RTN4R: variants seen among roughly 807,000 people sequenced by gnomAD.
The protein encoded by RTN4R is reticulon 4 receptor.
RTN4R carries 4 observed loss-of-function variants against 27.7 expected under a neutral mutation model. The ratio of observed to expected loss-of-function variants is 0.14; its 90% CI spans 0.07 to 0.33. The LOEUF is 0.33. RTN4R is among the 10% of genes least tolerant of loss of function. RTN4R has a pLI of 1.00. For missense variants in RTN4R, 554 were observed against 671.5 expected (o/e 0.83, Z 1.93); for synonymous variants, 290 against 305.6 (o/e 0.95, Z 0.53).
At chr22:20,258,989 G>T (rs1054375509) in intron 1 of RTN4R, among the ~76,000 whole-genome samples, 9 of 152,072 alleles carry the variant, frequency 5.9e-5, no homozygotes, top group Non-Finnish European at 1.3e-4. Context: ...GGGGTCAAGT[G>T]TGCACCGTCT....
In RTN4R at chr22:20,244,412, C is replaced by G. The variant is rs545167321; in HGVS notation, c.23-1302G>C. On this transcript the variant is annotated intron_variant, in intron 1 of 1. Transcript: ENST00000043402. ...AACGCAGAGCCCAGCAAGCCCAGCA[C>G]GCGCAGTGACCGCTGGGCATGTGCG... Among the ~76,000 whole-genome samples the G allele has an allele frequency of 2.0e-5, 3 of 152,224 alleles. No individual in the cohort carries two copies. The South Asian group carries it at 6.2e-4, about 32-fold the overall frequency.
intron 1 of RTN4R, among the ~76,000 whole-genome samples, chr22:20,247,741 T>C (rs142779430): frequency 1.6e-4 from 24 of 152,134 alleles, no homozygotes; most frequent in Middle Eastern, 3.4e-3. Context: ...CTTGTTGATC[T>C]TGGCTGCAGG....
chr22:20,242,877 G>T lies in RTN4R; in HGVS notation c.256C>A (p.Leu86Met). Residue 86 changes from leucine to methionine, a missense_variant, in exon 2 of 2, where the codon CTG becomes ATG. This residue lies in a region of RTN4R where 413 missense variants were observed against 542.3 expected (regional missense o/e 0.76). Transcript: ENST00000043402. Reference protein sequence around the residue: ...SFRACRNLTILWLHSNVLARI... With the variant: ...SFRACRNLTIMWLHSNVLARI... ...GCCAGCACATTCGAGTGCAGCCACAGGATGGTGAGGTTGCGGCAGGCACGG... is the reference window on the plus strand; with the variant it reads ...GCCAGCACATTCGAGTGCAGCCACATGATGGTGAGGTTGCGGCAGGCACGG... The T allele has an allele frequency of 6.2e-7, 1 of 1,613,134 alleles. No homozygotes were observed. The highest frequency in any genetic ancestry group is 8.5e-7 in the Non-Finnish European group (1 of 1,179,866).
intron 1 of RTN4R, among the ~76,000 whole-genome samples, chr22:20,251,988 C>CTAT: frequency 4.7e-4 from 4 of 8,440 alleles, no homozygotes; most frequent in African/African-American, 7.9e-4. Flanking sequence ...ATCACCATCA[C>CTAT]CATCATCACC....
At chr22:20,249,815 G>A (rs1483075569) in intron 1 of RTN4R, among the ~76,000 whole-genome samples, 2 of 152,234 alleles carry the variant, frequency 1.3e-5, no homozygotes, top group African/African-American at 4.8e-5. Flanking sequence ...AGCGGCCTCT[G>A]TCCGAGCAGA....
At chr22:20,243,579 A>ACGGG (rs774054026) in intron 1 of RTN4R, 3 of 430,440 alleles carry the variant, frequency 7.0e-6, no homozygotes, top group South Asian at 5.1e-5. Context: ...TATCTCAAAA[A>ACGGG]CGGGCGCCTG....
intron 1 of RTN4R, among the ~76,000 whole-genome samples, chr22:20,263,361 C>A (rs1202624026): frequency 6.6e-6 from 1 of 152,198 alleles, no homozygotes; most frequent in Non-Finnish European, 1.5e-5. Context: ...AAGGTGCTGC[C>A]CACCCCTCTC....
intron 1 of RTN4R, 37 bp from the exon 2 acceptor site, chr22:20,243,147 A>G: frequency 6.3e-7 from 1 of 1,589,320 alleles, no homozygotes. Context: ...CAGGAAGGGC[A>G]GGGGTACTGG....
intron 1 of RTN4R, among the ~76,000 whole-genome samples, chr22:20,266,371 T>A (rs986037757): frequency 6.6e-6 from 1 of 152,224 alleles, no homozygotes; most frequent in East Asian, 1.9e-4. Flanking sequence ...TTGCCCATCA[T>A]GCAGCATGGC....
chr22:20,252,485 G>A lies in RTN4R; in HGVS notation c.23-9375C>T, dbSNP rs1326024455. 2.0e-5 allele frequency among the ~76,000 whole-genome samples: 3 copies of A among 152,204 alleles called. No individual in the cohort carries two copies. In the East Asian group the frequency reaches 5.8e-4, roughly 29 times the overall value. The stretch of plus-strand genomic sequence containing the variant: ...TCCTCCCATTGTACGGTGAGGGGGT[G>A]ACTGCCAACCCACTCCTCAGATGAG... On this transcript the variant is annotated intron_variant, in intron 1 of 1. Transcript: ENST00000043402.
At chr22:20,265,567 C>A (rs1311535905) in intron 1 of RTN4R, among the ~76,000 whole-genome samples, 3 of 152,200 alleles carry the variant, frequency 2.0e-5, no homozygotes, top group African/African-American at 7.2e-5. Context: ...GTTCCACAGA[C>A]CCCCAGGTGA....
In RTN4R at chr22:20,261,063, C is replaced by T. The variant is rs149408186; in HGVS notation, c.22+7008G>A. Among the ~76,000 whole-genome samples the T allele has an allele frequency of 3.0e-4, 45 of 152,320 alleles. No homozygotes were observed. The East Asian group carries it at 4.1e-3, about 14-fold the overall frequency. On this transcript the variant is annotated intron_variant, in intron 1 of 1. Transcript: ENST00000043402. ...TCAGGATGTCCTACGAGGACCCTCA[C>T]GGCAGAAGGACCGATGGGGAGGAGT...
At chr22:20,250,107 G>GT (rs1424906817) in intron 1 of RTN4R, among the ~76,000 whole-genome samples, 2 of 152,354 alleles carry the variant, frequency 1.3e-5, no homozygotes, top group African/African-American at 4.8e-5. Flanking sequence ...AGGCAGGAGA[G>GT]GATCCTCCTC....
Position 20,263,896 on chromosome 22 carries a change from A to G in RTN4R, c.22+4175T>C, listed in dbSNP as rs370476584. Among the ~76,000 whole-genome samples, 3 of 152,352 alleles carry G rather than the reference A, an allele frequency of 2.0e-5. No individual in the cohort carries two copies. The East Asian group carries it at 5.8e-4, about 29-fold the overall frequency. On this transcript the variant is annotated intron_variant, in intron 1 of 1. Transcript: ENST00000043402. ...CAGAAGAGGCCCCGCAGGCCATAGC[A>G]GGCAAGACCAGAGGCTGTATGAAAG...
Position 20,241,936 on chromosome 22 carries a change from C to T in RTN4R, c.1197G>A (p.Arg399=), listed in dbSNP as rs1159159776. Residue 399 remains arginine, a synonymous_variant, in exon 2 of 2, where the codon CGG becomes CGA. Transcript: ENST00000043402. ...GSAEPPLTAV[R]PEGSEPPGFP... The stretch of plus-strand genomic sequence containing the variant: ...ACCCTGGTGGCTCGGAGCCCTCGGG[C>T]CGCACTGCAGTGAGCGGGGGCTCAG... 1 of 1,606,836 alleles carries T rather than the reference C, an allele frequency of 6.2e-7. No individual in the cohort carries two copies. The highest frequency in any genetic ancestry group is 8.5e-7 in the Non-Finnish European group (1 of 1,178,226).
chr22:20,260,633 C>T (rs1487998784), intron 1 of RTN4R, among the ~76,000 whole-genome samples: 3 of 152,202 alleles, frequency 2.0e-5, no homozygotes, highest in African/African-American at 7.2e-5. Context: ...AGGGGCCACG[C>T]CCGGGGGCAG....
At chr22:20,252,806 G>A (rs2051191930) in intron 1 of RTN4R, among the ~76,000 whole-genome samples, 1 of 152,116 alleles carries the variant, frequency 6.6e-6, no homozygotes, top group Non-Finnish European at 1.5e-5. Context: ...CTCAGATGTA[G>A]CCTCTGCACC....
In RTN4R at chr22:20,242,163, C is replaced by G; in HGVS notation, c.970G>C (p.Ala324Pro). The G allele has an allele frequency of 1.2e-6, 2 of 1,611,830 alleles. No homozygotes were observed. The highest frequency in any genetic ancestry group is 1.7e-6 in the Non-Finnish European group (2 of 1,179,566). The change falls in exon 2 of 2, where the codon GCC (alanine) becomes CCC (proline). Residue 324 changes from alanine (A) to proline (P), a missense_variant. Coordinates refer to ENST00000043402, the MANE Select transcript of RTN4R (RefSeq NM_023004.6). ...AGCCCCAGCGGCTCCTCATCGGTGG[C>G]CCTGCCGGTCCAGATGGGATGGTAA... ...GPYHPIWTGRATDEEPLGLPK... is the reference protein window; with the variant it reads ...GPYHPIWTGRPTDEEPLGLPK...
intron 1 of RTN4R, among the ~76,000 whole-genome samples, chr22:20,262,116 G>A (rs879677981): frequency 6.6e-6 from 1 of 152,328 alleles, no homozygotes; most frequent in Middle Eastern, 3.4e-3. Flanking sequence ...GGATGGACCG[G>A]GAGACAGGGT....
Sources: allele counts gnomAD v4.1 joint callset (sites outside exome capture counted in the v4.1 genomes callset), GRCh38; gene constraint gnomAD v4.1.1; regional missense constraint gnomAD v4.1.1; transcripts MANE v1.5; gene names NCBI Gene and HGNC (gene_info 2026-07-23, HGNC 2026-07-21).